The following MAPKAP1 variants were observed in gnomAD, a reference collection of about 807,000 sequenced individuals.
MAPKAP1 encodes the protein target of rapamycin complex 2 subunit MAPKAP1.
MAPKAP1 carries 20 observed loss-of-function variants against 65.7 expected under a neutral mutation model. The ratio of observed to expected loss-of-function variants is 0.30; its 90% CI spans 0.21 to 0.44. The LOEUF (loss-of-function observed/expected upper bound fraction) is 0.44, where lower values mean the gene tolerates loss of function less well. Ranked by LOEUF, MAPKAP1 falls within the 20% of genes least tolerant of loss-of-function variation. The probability of loss-of-function intolerance (pLI) is 1.00; values close to 1 mark genes in which losing one functional copy is unlikely to be tolerated. For synonymous variants in MAPKAP1, 222 were observed against 244.3 expected (o/e 0.91, Z 0.85); for missense variants, 423 against 648.0 (o/e 0.65, Z 3.77).
chr9:125,454,115 C>T (rs548646825), intron 10 of MAPKAP1, among the ~76,000 whole-genome samples: 1 of 152,334 alleles, frequency 6.6e-6, no homozygotes, highest in African/African-American at 2.4e-5. Flanking sequence ...TTCCTTGAGA[C>T]AAGTACCCTA....
At chr9:125,480,412 A>T (rs1276362758) in intron 9 of MAPKAP1, among the ~76,000 whole-genome samples, 1 of 152,162 alleles carries the variant, frequency 6.6e-6, no homozygotes, top group African/African-American at 2.4e-5. Flanking sequence ...GTGTCACTGG[A>T]AGCATTCCAA....
intron 1 of MAPKAP1, among the ~76,000 whole-genome samples, chr9:125,683,531 CAACCACT>C (rs2131828393): frequency 6.6e-6 from 1 of 152,172 alleles, no homozygotes; most frequent in African/African-American, 2.4e-5. Context: ...TGGTCCTGGC[CAACCACT>C]AGCAAGAGAA....
chr9:125,579,559 C>T (rs1240175602), intron 5 of MAPKAP1, among the ~76,000 whole-genome samples: 1 of 152,190 alleles, frequency 6.6e-6, no homozygotes, highest in African/African-American at 2.4e-5. Context: ...TCCCAGAGTG[C>T]TGGGATTACA....
At chr9:125,549,843 G>A (rs1198441722) in intron 6 of MAPKAP1, among the ~76,000 whole-genome samples, 2 of 152,138 alleles carry the variant, frequency 1.3e-5, no homozygotes, top group Non-Finnish European at 2.9e-5. Context: ...TTCCAGCTGG[G>A]CACAGGTGGG....
chr9:125,631,122 TC>T (rs1271165187), intron 4 of MAPKAP1, among the ~76,000 whole-genome samples: 1 of 147,484 alleles, frequency 6.8e-6, no homozygotes, highest in Admixed American at 6.7e-5. Context: ...GCCTGATACC[TC>T]CCCGTGTCCT....
intron 4 of MAPKAP1, among the ~76,000 whole-genome samples, chr9:125,593,814 G>A (rs368332919): frequency 2.6e-5 from 4 of 152,290 alleles, no homozygotes; most frequent in South Asian, 4.1e-4. Flanking sequence ...AACTTTCTTG[G>A]CACAAATGCA....
At position 125,494,583 on chromosome 9, in the gene MAPKAP1, A is replaced by C. The variant is rs151332268; in HGVS notation, c.1067-10000T>G. 4.6e-5 allele frequency among the ~76,000 whole-genome samples: 7 copies of C among 152,298 alleles called. No homozygotes were observed. In the East Asian group the frequency reaches 1.2e-3, roughly 25 times the overall value. On this transcript the variant is annotated intron_variant, in intron 8 of 11. Transcript: ENST00000265960. ...TTTGTAGAATTTCGAAAAAGAGCAGATCATGGAAGCGGGGCCTACGAGGCT... is the reference window on the plus strand; with the variant it reads ...TTTGTAGAATTTCGAAAAAGAGCAGCTCATGGAAGCGGGGCCTACGAGGCT...
intron 4 of MAPKAP1, among the ~76,000 whole-genome samples, chr9:125,612,806 C>T (rs1832640929): frequency 2.0e-5 from 3 of 152,214 alleles, no homozygotes; most frequent in South Asian, 4.1e-4. Context: ...GAAGGAAAGT[C>T]ACCATCCTCA....
At chr9:125,486,874 T>C (rs1439449252) in intron 8 of MAPKAP1, among the ~76,000 whole-genome samples, 2 of 152,102 alleles carry the variant, frequency 1.3e-5, no homozygotes, top group Non-Finnish European at 2.9e-5. Flanking sequence ...CAGGGAAGCC[T>C]TCCCTGGCCG....
chr9:125,668,703 C>T (rs972276963), intron 3 of MAPKAP1, among the ~76,000 whole-genome samples: 1 of 152,136 alleles, frequency 6.6e-6, no homozygotes, highest in African/African-American at 2.4e-5. Context: ...ATATGGCCAG[C>T]CTTTATACAC....
chr9:125,597,805 C>A (rs1023440536), intron 4 of MAPKAP1, among the ~76,000 whole-genome samples: 5 of 152,168 alleles, frequency 3.3e-5, no homozygotes, highest in African/African-American at 1.2e-4. Context: ...AAGAGCCATT[C>A]TCTGAAAAGA....
chr9:125,625,602 C>A (rs1477265416), intron 4 of MAPKAP1, among the ~76,000 whole-genome samples: 1 of 152,142 alleles, frequency 6.6e-6, no homozygotes, highest in South Asian at 2.1e-4. Context: ...CGAGACTAGC[C>A]TGGCCAACAT....
chr9:125,612,708 C>T (rs897444728), intron 4 of MAPKAP1, among the ~76,000 whole-genome samples: 2 of 152,196 alleles, frequency 1.3e-5, no homozygotes, highest in Admixed American at 6.5e-5. Context: ...AGGGAGAACA[C>T]TTCCACTGGG....
At chr9:125,681,246 T>C (rs976253305) in intron 1 of MAPKAP1, among the ~76,000 whole-genome samples, 7 of 152,192 alleles carry the variant, frequency 4.6e-5, no homozygotes, top group South Asian at 2.1e-4. Flanking sequence ...CAACAGAATA[T>C]AGGGGAAGGA....
At chr9:125,528,779 G>A (rs544886432) in intron 7 of MAPKAP1, among the ~76,000 whole-genome samples, 54 of 150,868 alleles carry the variant, frequency 3.6e-4, no homozygotes, top group African/African-American at 1.2e-3. Flanking sequence ...CTCGGGAGGC[G>A]GAGGTTGCGG....
chr9:125,524,665 G>T (rs922616244), intron 7 of MAPKAP1, among the ~76,000 whole-genome samples: 3 of 152,194 alleles, frequency 2.0e-5, no homozygotes, highest in Non-Finnish European at 4.4e-5. Context: ...TTTCTTGTTA[G>T]ATCTATTATC....
At chr9:125,454,568 A>G (rs545338580) in intron 10 of MAPKAP1, among the ~76,000 whole-genome samples, 2 of 152,352 alleles carry the variant, frequency 1.3e-5, no homozygotes, top group African/African-American at 2.4e-5. Context: ...TTTCTGTATA[A>G]GTACTGAACA....
At chr9:125,536,833 T>G (rs529718160) in intron 7 of MAPKAP1, among the ~76,000 whole-genome samples, 1 of 152,340 alleles carries the variant, frequency 6.6e-6, no homozygotes, top group East Asian at 1.9e-4. Context: ...CTACTCCATC[T>G]AAAATATATA....
At chr9:125,536,861 C>T (rs1830088903) in intron 7 of MAPKAP1, among the ~76,000 whole-genome samples, 2 of 152,174 alleles carry the variant, frequency 1.3e-5, no homozygotes, top group Admixed American at 1.3e-4. Flanking sequence ...CCCTTTTCCA[C>T]AGGGCAGCTT....
Sources: allele counts gnomAD v4.1 joint callset (sites outside exome capture counted in the v4.1 genomes callset), GRCh38; gene constraint gnomAD v4.1.1; transcripts MANE v1.5; gene names NCBI Gene and HGNC (gene_info 2026-07-23, HGNC 2026-07-21).